The following ARHGAP25 variants were observed in gnomAD, a reference collection of about 807,000 sequenced individuals.
ARHGAP25 encodes the protein Rho GTPase activating protein 25.
ARHGAP25 carries 34 observed loss-of-function variants against 71.0 expected under a neutral mutation model. The ratio of observed to expected loss-of-function variants is 0.48; its 90% CI spans 0.36 to 0.64. The LOEUF is 0.64. Among genes scored for constraint, ARHGAP25 ranks in the 30% least tolerant of loss-of-function variants. The probability of loss-of-function intolerance (pLI) is 0.00; values close to 1 mark genes in which losing one functional copy is unlikely to be tolerated. For missense variants in ARHGAP25, 706 were observed against 805.1 expected (o/e 0.88, Z 1.49); for synonymous variants, 282 against 296.5 (o/e 0.95, Z 0.50).
Position 68,807,458 on chromosome 2 carries a change from G to C in ARHGAP25, c.652G>C (p.Gly218Arg). Residue 218 changes from glycine to arginine, a missense_variant, in exon 5 of 11, where the codon GGG becomes CGG. Physicochemically the swap from Gly to Arg is moderately radical, Grantham distance 125. Coordinates refer to ENST00000409202, the MANE Select transcript of ARHGAP25 (RefSeq NM_001007231.3). The part of the protein sequence containing the change: ...VKQLRDAFDA[G>R]ERPSFDRDTD... ...GCAGCTGAGAGACGCTTTTGATGCT[G>C]GGGAGCGGCCCTCCTTTGACAGGTA... is the stretch of plus-strand genomic sequence containing the variant. The C allele has an allele frequency of 6.2e-7, 1 of 1,614,164 alleles. No homozygotes were observed. Among genetic ancestry groups the C allele is most frequent in the Non-Finnish European group, 8.5e-7 (1 of 1,180,034 alleles).
Position 68,787,971 on chromosome 2 carries a change from A to G in ARHGAP25, c.466+15A>G. 2 of 1,605,564 alleles carry G rather than the reference A, an allele frequency of 1.2e-6. No individual in the cohort carries two copies. Among genetic ancestry groups the G allele is most frequent in the Non-Finnish European group, 1.7e-6 (2 of 1,172,286 alleles). ...ACCCTGTGGAGGTAAGGACCCCTGC[A>G]GGCTTTCCTGGGCAGGTGCCTATGA... On this transcript the variant is annotated intron_variant, in intron 4 of 10. Coordinates refer to ENST00000409202, the MANE Select transcript of ARHGAP25 (RefSeq NM_001007231.3).
At chr2:68,786,807 G>A (rs1380381030) in intron 3 of ARHGAP25, among the ~76,000 whole-genome samples, 4 of 152,232 alleles carry the variant, frequency 2.6e-5, no homozygotes, top group Admixed American at 2.0e-4. Flanking sequence ...TACTCAGCTA[G>A]AACAAGCTCT....
At position 68,801,165 on chromosome 2, in the gene ARHGAP25, A is replaced by G. The variant is rs574901408; in HGVS notation, c.467-6108A>G. On this transcript the variant is annotated intron_variant, in intron 4 of 10. Transcript: ENST00000409202. Reference sequence around the variant, plus strand: ...GTAAGAAGTGACACTGTTGGTCCTGATGTCTCCAGAGCATCCAGTGGTTGG... The same window carrying G: ...GTAAGAAGTGACACTGTTGGTCCTGGTGTCTCCAGAGCATCCAGTGGTTGG... Among the ~76,000 whole-genome samples the G allele has an allele frequency of 2.0e-5, 3 of 152,258 alleles. No individual in the cohort carries two copies. The South Asian group carries it at 6.2e-4, about 32-fold the overall frequency.
chr2:68,784,532 G>A (rs564257849), intron 3 of ARHGAP25, among the ~76,000 whole-genome samples: 133 of 152,046 alleles, frequency 8.7e-4, no homozygotes, highest in African/African-American at 3.1e-3. Flanking sequence ...AACAATTTAG[G>A]GTAGGCTTCC....
intron 1 of ARHGAP25, among the ~76,000 whole-genome samples, chr2:68,746,952 G>A (rs1411410771): frequency 6.8e-6 from 1 of 146,894 alleles, no homozygotes; most frequent in East Asian, 2.1e-4. Flanking sequence ...AGGTTGTGGT[G>A]AGCCGAGATT....
At chr2:68,773,622 C>T (rs1440057126) in intron 1 of ARHGAP25, among the ~76,000 whole-genome samples, 2 of 152,144 alleles carry the variant, frequency 1.3e-5, no homozygotes, top group African/African-American at 4.8e-5. Flanking sequence ...ACTCATGTAA[C>T]AAACCAGCAC....
chr2:68,745,226 C>T (rs571716749), intron 1 of ARHGAP25, among the ~76,000 whole-genome samples: 1 of 152,234 alleles, frequency 6.6e-6, no homozygotes, highest in East Asian at 1.9e-4. Flanking sequence ...TTAGGTAATA[C>T]TTCCTCCAAC....
At chr2:68,730,644 T>C (rs897292759), upstream of ARHGAP25, among the ~76,000 whole-genome samples, 1 of 144,650 alleles carries the variant, frequency 6.9e-6, no homozygotes, top group African/African-American at 2.6e-5. Flanking sequence ...AGTGAGACCC[T>C]GTCTCAGAAA....
intron 1 of ARHGAP25, among the ~76,000 whole-genome samples, chr2:68,743,563 G>C (rs917129876): frequency 6.6e-6 from 1 of 152,116 alleles, no homozygotes; most frequent in Admixed American, 6.5e-5. Flanking sequence ...CCATGCACCT[G>C]GTCATTCAGA....
upstream of ARHGAP25, among the ~76,000 whole-genome samples, chr2:68,731,075 G>C (rs1675010611): frequency 6.6e-6 from 1 of 152,132 alleles, no homozygotes; most frequent in Admixed American, 6.5e-5. Flanking sequence ...ATCCAACGCA[G>C]GCCTGTACAA....
At chr2:68,773,157 T>G (rs114588653) in intron 1 of ARHGAP25, among the ~76,000 whole-genome samples, 7 of 152,266 alleles carry the variant, frequency 4.6e-5, no homozygotes, top group African/African-American at 1.4e-4. Context: ...ACAGCAATAT[T>G]GGACCGAAGG....
chr2:68,727,186 G>A (rs1303210314), intron 2 of ARHGAP25, among the ~76,000 whole-genome samples: 1 of 152,104 alleles, frequency 6.6e-6, no homozygotes, highest in East Asian at 1.9e-4. Context: ...GCAACACGGG[G>A]GCCCACGTTC....
chr2:68,787,943 C>T lies in ARHGAP25; in HGVS notation c.453C>T (p.Gly151=), dbSNP rs1167795238. 1 of 1,614,118 alleles carries T rather than the reference C, an allele frequency of 6.2e-7. No homozygotes were observed. The highest frequency in any genetic ancestry group is 1.7e-5 in the Admixed American group (1 of 60,032). ...TTAAATTCCTCAGGAGAGTTGCTGG[C>T]ACACCCTGTGGAGGTAAGGACCCCT... ...EWVKFLRRVA[G]TPCGAVFGQR... Residue 151 remains glycine (G), a synonymous_variant, in exon 4 of 11, where the codon GGC becomes GGT. Transcript: ENST00000409202.
At chr2:68,721,559 C>A (rs1350138101) in intron 2 of ARHGAP25, among the ~76,000 whole-genome samples, 1 of 152,218 alleles carries the variant, frequency 6.6e-6, no homozygotes, top group African/African-American at 2.4e-5. Context: ...CAGGTTCCCA[C>A]CAGCTCCTCC....
intron 1 of ARHGAP25, among the ~76,000 whole-genome samples, chr2:68,746,913 C>T (rs1355598322): frequency 2.7e-5 from 4 of 149,146 alleles, no homozygotes; most frequent in African/African-American, 9.9e-5. Context: ...GAGGCTGAGG[C>T]AGGAGAATCG....
chr2:68,820,216 T>C (rs908501775), intron 9 of ARHGAP25, among the ~76,000 whole-genome samples: 1 of 152,244 alleles, frequency 6.6e-6, no homozygotes, highest in African/African-American at 2.4e-5. Context: ...TGAGAATAGC[T>C]ATTATTTTAC....
At chr2:68,758,509 CAAAG>C in intron 1 of ARHGAP25, among the ~76,000 whole-genome samples, 1 of 151,624 alleles carries the variant, frequency 6.6e-6, no homozygotes, top group East Asian at 1.9e-4. Context: ...CTACAAGAAA[CAAAG>C]AAAAACATTA....
chr2:68,765,846 G>C (rs563306506), intron 1 of ARHGAP25, among the ~76,000 whole-genome samples: 32 of 152,272 alleles, frequency 2.1e-4, no homozygotes, highest in African/African-American at 7.7e-4. Context: ...ACTCTCAGTA[G>C]TGTTAAAGTT....
chr2:68,805,256 C>A (rs113952359), intron 4 of ARHGAP25, among the ~76,000 whole-genome samples: 19 of 152,202 alleles, frequency 1.2e-4, no homozygotes, highest in African/African-American at 4.6e-4. Flanking sequence ...GGACATCAGG[C>A]CAGGAAAGCA....
Sources: gnomAD v4.1 joint callset for allele counts (sites outside exome capture counted in the v4.1 genomes callset) on GRCh38, gnomAD v4.1.1 for gene constraint, MANE v1.5 for transcripts, NCBI Gene and HGNC (gene_info 2026-07-23, HGNC 2026-07-21) for gene names.